The following CHSY3 variants were observed in gnomAD, a reference collection of about 807,000 sequenced individuals.
The protein encoded by CHSY3 is chondroitin sulfate synthase 3.
A neutral mutation model predicts 67.2 loss-of-function variants in CHSY3; 35 were observed. The observed-to-expected ratio is 0.52, with a 90% CI of 0.40 to 0.69. The LOEUF (loss-of-function observed/expected upper bound fraction) is 0.69. Ranked by LOEUF, CHSY3 falls within the 30% of genes least tolerant of loss-of-function variation. The pLI, the probability that CHSY3 is intolerant of heterozygous loss-of-function variation, is 0.00. For synonymous variants in CHSY3, 474 were observed against 434.7 expected (o/e 1.09, Z -1.12); for missense variants, 1,069 against 1,138.5 (o/e 0.94, Z 0.88).
intron 2 of CHSY3, among the ~76,000 whole-genome samples, chr5:130,168,131 A>G (rs1333660684): frequency 6.6e-6 from 1 of 152,136 alleles, no homozygotes; most frequent in East Asian, 1.9e-4. Flanking sequence ...AATTTCCTAC[A>G]GAAGCCCTAG....
chr5:130,110,437 T>A (rs1472984391), intron 2 of CHSY3, among the ~76,000 whole-genome samples: 3 of 151,992 alleles, frequency 2.0e-5, no homozygotes, highest in African/African-American at 2.4e-5. Flanking sequence ...AAGTGTTGTT[T>A]CTTTAGTATT....
chr5:130,020,821 G>A lies in CHSY3; in HGVS notation c.1086+112461G>A, dbSNP rs140690147. On this transcript the variant is annotated intron_variant, in intron 2 of 2. Transcript: ENST00000305031. Reference sequence around the variant, plus strand: ...TCTTCTCCTGTCCCCTACTCAGTCTGTCGAGATGCTTCAAATCTGGGCTCA... The same window carrying A: ...TCTTCTCCTGTCCCCTACTCAGTCTATCGAGATGCTTCAAATCTGGGCTCA... Among the ~76,000 whole-genome samples the A allele has an allele frequency of 4.0e-3, 611 of 152,170 alleles. 6 individuals are homozygous for A. The highest frequency in any genetic ancestry group is 0.013 in the African/African-American group (541 of 41,530).
At chr5:130,113,025 T>C (rs1767637012) in intron 2 of CHSY3, among the ~76,000 whole-genome samples, 1 of 152,134 alleles carries the variant, frequency 6.6e-6, no homozygotes, top group Non-Finnish European at 1.5e-5. Context: ...GTACTATTAA[T>C]CTTTTGTTTC....
intron 2 of CHSY3, among the ~76,000 whole-genome samples, chr5:130,076,574 TA>T (rs1766261490): frequency 6.6e-6 from 1 of 152,018 alleles, no homozygotes; most frequent in African/African-American, 2.4e-5. Flanking sequence ...TTGAGATTAA[TA>T]TTTTTTTAAA....
intron 2 of CHSY3, among the ~76,000 whole-genome samples, chr5:130,062,014 A>T (rs1162490196): frequency 6.6e-6 from 1 of 152,086 alleles, no homozygotes; most frequent in East Asian, 1.9e-4. Context: ...AAGAACTAAA[A>T]ATAGCACAAC....
At chr5:129,991,194 A>C (rs79329283) in intron 2 of CHSY3, among the ~76,000 whole-genome samples, 3,021 of 152,216 alleles carry the variant, frequency 0.02, 43 homozygotes, top group Non-Finnish European at 0.029. Flanking sequence ...AGGAAGAATG[A>C]TCTAGTGGCA....
At chr5:130,183,778 G>A (rs913784886) in intron 2 of CHSY3, among the ~76,000 whole-genome samples, 16 of 152,116 alleles carry the variant, frequency 1.1e-4, no homozygotes, top group Non-Finnish European at 1.9e-4. Context: ...GGAGATTTTT[G>A]TCAAATGATA....
At chr5:130,175,587 G>A (rs923312973) in intron 2 of CHSY3, among the ~76,000 whole-genome samples, 6 of 152,126 alleles carry the variant, frequency 3.9e-5, no homozygotes. Flanking sequence ...GAGGCATCAT[G>A]CTACCTGACT....
chr5:130,016,559 C>T (rs943636740), intron 2 of CHSY3, among the ~76,000 whole-genome samples: 10 of 152,074 alleles, frequency 6.6e-5, no homozygotes, highest in African/African-American at 2.4e-4. Flanking sequence ...TTACAGGTGC[C>T]CGGGATTACA....
chr5:130,059,003 T>G (rs573834385), intron 2 of CHSY3, among the ~76,000 whole-genome samples: 2 of 152,316 alleles, frequency 1.3e-5, no homozygotes, highest in South Asian at 4.1e-4. Context: ...TTTGTATGGG[T>G]CAACTTGTCT....
intron 2 of CHSY3, among the ~76,000 whole-genome samples, chr5:130,177,906 T>A (rs1285941002): frequency 6.6e-6 from 1 of 152,018 alleles, no homozygotes; most frequent in Non-Finnish European, 1.5e-5. Flanking sequence ...TCTCCTGAAC[T>A]GTTCCTTAAT....
In CHSY3 at chr5:130,178,227, TTATA is replaced by T. The variant is rs1554088379; in HGVS notation, c.1087-5978_1087-5975del. Among the ~76,000 whole-genome samples, 482 of 65,768 alleles carry T rather than the reference TTATA, an allele frequency of 7.3e-3. 7 individuals carry two copies. Among genetic ancestry groups the T allele is most frequent in the African/African-American group, 0.013 (193 of 15,176 alleles). The allele number at this position is 65,768 out of a possible 152,430, so 43.1% of individuals were successfully genotyped here. A position where few individuals can be genotyped will look rare whatever the true frequency, so the allele number is the denominator to read the frequency against. The stretch of plus-strand genomic sequence containing the variant: ...TATATATATATGTATATATTTATAT[TTATA>T]TATATATATATATATATATATATTT... On this transcript the variant is annotated intron_variant, in intron 2 of 2. Coordinates refer to ENST00000305031, the MANE Select transcript of CHSY3 (RefSeq NM_175856.5).
chr5:129,957,580 T>G (rs1042823778), intron 2 of CHSY3, among the ~76,000 whole-genome samples: 5 of 152,190 alleles, frequency 3.3e-5, no homozygotes, highest in Non-Finnish European at 5.9e-5. Context: ...AATATTTTGC[T>G]TTAGCATAGA....
intron 2 of CHSY3, among the ~76,000 whole-genome samples, chr5:130,018,554 G>T (rs1764277621): frequency 6.6e-6 from 1 of 152,088 alleles, no homozygotes; most frequent in Non-Finnish European, 1.5e-5. Flanking sequence ...TCATTACAAA[G>T]AATTTTGTCA....
intron 2 of CHSY3, among the ~76,000 whole-genome samples, chr5:130,070,854 A>C (rs892740944): frequency 6.6e-6 from 1 of 152,092 alleles, no homozygotes; most frequent in African/African-American, 2.4e-5. Context: ...AAGAACAGTG[A>C]TATTTTGACT....
intron 2 of CHSY3, among the ~76,000 whole-genome samples, chr5:129,915,494 A>G (rs148273406): frequency 1.3e-5 from 2 of 152,324 alleles, no homozygotes; most frequent in African/African-American, 4.8e-5. Flanking sequence ...AAGCAGGCAC[A>G]ATTTTTGAAG....
chr5:130,182,484 G>A (rs779461077), intron 2 of CHSY3, among the ~76,000 whole-genome samples: 2 of 151,882 alleles, frequency 1.3e-5, no homozygotes, highest in South Asian at 2.1e-4. Flanking sequence ...AAAGAACAAG[G>A]TTCTTAACTT....
chr5:130,117,488 C>T (rs1767849071), intron 2 of CHSY3, among the ~76,000 whole-genome samples: 1 of 152,196 alleles, frequency 6.6e-6, no homozygotes, highest in South Asian at 2.1e-4. Context: ...GAGCTCTTTG[C>T]AGCTTCATTA....
intron 2 of CHSY3, among the ~76,000 whole-genome samples, chr5:130,011,013 C>T (rs1764042770): frequency 6.6e-6 from 1 of 152,074 alleles, no homozygotes; most frequent in African/African-American, 2.4e-5. Flanking sequence ...AGCCCTGATC[C>T]AGACAAATTC....
Sources: gnomAD v4.1 joint callset for allele counts (sites outside exome capture counted in the v4.1 genomes callset) on GRCh38, gnomAD v4.1.1 for gene constraint, MANE v1.5 for transcripts, NCBI Gene and HGNC (gene_info 2026-07-23, HGNC 2026-07-21) for gene names.